Variants in SLCO1A2 observed in about 807,000 individuals in gnomAD.
The protein encoded by SLCO1A2 is solute carrier organic anion transporter family member 1A2, also known as OATP-1.
SLCO1A2 carries 67 observed loss-of-function variants against 69.0 expected under a neutral mutation model. The observed-to-expected ratio is 0.97, with a 90% CI of 0.80 to 1.19. SLCO1A2 has a LOEUF of 1.19. SLCO1A2 is among the 50% of genes most tolerant of loss of function. The pLI is 0.00. For missense variants in SLCO1A2, 787 were observed against 793.7 expected, an observed-to-expected ratio of 0.99 and a Z score of 0.10; for synonymous variants, 260 against 265.9, an observed-to-expected ratio of 0.98 and a Z score of 0.22.
At chr12:21,300,288 C>CA in intron 8 of SLCO1A2, 60 bp downstream of exon 8, 1 of 1,226,000 alleles carries the variant, frequency 8.2e-7, no homozygotes, top group Non-Finnish European at 1.1e-6. Context: ...GACTAAAATA[C>CA]AGACATATCT....
chr12:21,384,578 G>T (rs1940770939), intron 1 of SLCO1A2, among the ~76,000 whole-genome samples: 1 of 151,906 alleles, frequency 6.6e-6, no homozygotes, highest in Non-Finnish European at 1.5e-5. Context: ...AGTTTATCAG[G>T]GTTGTAAGTA....
chr12:21,304,149 A>T (rs1389313237), intron 6 of SLCO1A2, among the ~76,000 whole-genome samples: 1 of 152,178 alleles, frequency 6.6e-6, no homozygotes, highest in African/African-American at 2.4e-5. Context: ...CTCTTAACAG[A>T]TTGGATGTAG....
rs1168546948 is a variant in SLCO1A2, at chr12:21,268,141, A to G, written c.*1407T>C. 6.6e-6 allele frequency: 1 copy of G among 152,066 alleles called. No individual in the cohort carries two copies. Among genetic ancestry groups the G allele is most frequent in the Non-Finnish European group, 1.5e-5 (1 of 68,024 alleles). The allele number at this position is 152,066 out of a possible 1,614,324, so 9.4% of individuals were successfully genotyped here. A position where few individuals can be genotyped will look rare whatever the true frequency, so the allele number is the denominator to read the frequency against. The stretch of plus-strand genomic sequence containing the variant: ...TTTAGGAAATCATATTAACCTGTAA[A>G]GCATCTGTACAAAGTCCTTCAGTTA... On this transcript the variant is annotated 3_prime_UTR_variant, in exon 15 of 15. Transcript: ENST00000683939.
At chr12:21,364,346 A>G (rs927747779) in intron 2 of SLCO1A2, among the ~76,000 whole-genome samples, 2 of 152,208 alleles carry the variant, frequency 1.3e-5, no homozygotes, top group Admixed American at 6.5e-5. Context: ...AAAATTTAAC[A>G]GCTCTTCATG....
intron 14 of SLCO1A2, 36 bp from the exon 15 acceptor site, chr12:21,269,803 C>T (rs1191340916): frequency 6.5e-7 from 1 of 1,531,030 alleles, no homozygotes; most frequent in African/African-American, 1.4e-5. Context: ...TTAAATATTA[C>T]ATAGTGTGGT....
chr12:21,363,555 C>T (rs553205565), intron 2 of SLCO1A2, among the ~76,000 whole-genome samples: 382 of 152,192 alleles, frequency 2.5e-3, no homozygotes, highest in African/African-American at 7.3e-3. Flanking sequence ...CAGAGCAGAA[C>T]TGAAGTAGAT....
chr12:21,408,576 T>A (rs768284963), intron 1 of SLCO1A2, among the ~76,000 whole-genome samples: 1 of 152,178 alleles, frequency 6.6e-6, no homozygotes, highest in East Asian at 1.9e-4. Flanking sequence ...ACGAAAAGTG[T>A]CCCAGTCCCC....
chr12:21,388,220 G>A (rs1940981561), intron 1 of SLCO1A2, among the ~76,000 whole-genome samples: 1 of 152,066 alleles, frequency 6.6e-6, no homozygotes, highest in Admixed American at 6.6e-5. Flanking sequence ...AATGAGTTAA[G>A]ACTTTGGGGG....
chr12:21,296,721 G>A (rs1437261109), intron 9 of SLCO1A2, among the ~76,000 whole-genome samples: 2 of 152,176 alleles, frequency 1.3e-5, no homozygotes, highest in Non-Finnish European at 2.9e-5. Flanking sequence ...CTGGCTCCCC[G>A]AATCATATTA....
chr12:21,396,536 T>G (rs1364215625), upstream of SLCO1A2, among the ~76,000 whole-genome samples: 1 of 149,850 alleles, frequency 6.7e-6, no homozygotes, highest in Non-Finnish European at 1.5e-5. Flanking sequence ...ACAAAGATAC[T>G]CCTCGAGAAG....
chr12:21,291,537 G>T (rs908741153), intron 12 of SLCO1A2, among the ~76,000 whole-genome samples: 4 of 152,132 alleles, frequency 2.6e-5, no homozygotes, highest in Non-Finnish European at 5.9e-5. Flanking sequence ...GAGAAAAAAT[G>T]CAAATTATGT....
intron 9 of SLCO1A2, 27 bp downstream of exon 9, chr12:21,297,377 T>C (rs1947894010): frequency 1.3e-6 from 2 of 1,588,414 alleles, no homozygotes; most frequent in Admixed American, 3.4e-5. Context: ...GAAAGTGTGC[T>C]AGTAAGGCAG....
At position 21,292,315 on chromosome 12, in the gene SLCO1A2, T is replaced by C; in HGVS notation, c.1459A>G (p.Ile487Val). The change falls in exon 12 of 15, where the codon ATT becomes GTT. Residue 487 changes from isoleucine to valine, a missense_variant. Ile to Val is a conservative substitution (Grantham distance 29). Coordinates refer to ENST00000683939, the MANE Select transcript of SLCO1A2 (RefSeq NM_001386879.1). ...GCAGATGAATTTCCTGATGTTTGAA[T>C]ACAGCTGCAATTTTGGAACACCTGC... ...INMVFQNCSC[I>V]QTSGNSSAVL... The C allele has an allele frequency of 6.2e-7, 1 of 1,607,896 alleles. No individual in the cohort carries two copies. Among genetic ancestry groups the C allele is most frequent in the Non-Finnish European group, 8.5e-7 (1 of 1,177,510 alleles).
intron 2 of SLCO1A2, among the ~76,000 whole-genome samples, chr12:21,361,473 G>C (rs141204352): frequency 6.6e-6 from 1 of 152,112 alleles, no homozygotes; most frequent in Non-Finnish European, 1.5e-5. Context: ...AAAAATTAGC[G>C]CACCTCTTCT....
upstream of SLCO1A2, among the ~76,000 whole-genome samples, chr12:21,398,122 A>T (rs371212743): frequency 6.9e-6 from 1 of 145,858 alleles, no homozygotes; most frequent in Non-Finnish European, 1.5e-5. Context: ...TTGATAGACC[A>T]CTAGCAAGAC....
upstream of SLCO1A2, chr12:21,334,933 A>C (rs1451957971): frequency 1.1e-5 from 3 of 282,624 alleles, no homozygotes; most frequent in Non-Finnish European, 2.0e-5. Flanking sequence ...CTCTTTAGTG[A>C]GATTAAAGAT....
chr12:21,399,983 A>G (rs1020068207), upstream of SLCO1A2, among the ~76,000 whole-genome samples: 1 of 152,096 alleles, frequency 6.6e-6, no homozygotes, highest in African/African-American at 2.4e-5. Flanking sequence ...CTTCATGTCT[A>G]AAACACCAAA....
intron 14 of SLCO1A2, among the ~76,000 whole-genome samples, chr12:21,272,673 C>CTCTT (rs1255057363): frequency 6.6e-6 from 1 of 151,978 alleles, no homozygotes; most frequent in African/African-American, 2.4e-5. Flanking sequence ...ATCTATCTAT[C>CTCTT]TCTTACAAAC....
At chr12:21,285,798 A>C (rs1415286456) in intron 12 of SLCO1A2, among the ~76,000 whole-genome samples, 3 of 152,084 alleles carry the variant, frequency 2.0e-5, no homozygotes, top group Admixed American at 6.6e-5. Flanking sequence ...GCCTTTGACA[A>C]AATGCACCAA....
Sources: allele counts gnomAD v4.1 joint callset (sites outside exome capture counted in the v4.1 genomes callset), GRCh38; gene constraint gnomAD v4.1.1; transcripts MANE v1.5; gene names NCBI Gene and HGNC (gene_info 2026-07-23, HGNC 2026-07-21).